IGF2BP2: variants seen among roughly 807,000 people sequenced by gnomAD.
IGF2BP2 encodes insulin like growth factor 2 mRNA binding protein 2, also known as insulin-like growth factor 2 mRNA-binding protein 2.
IGF2BP2 carries 17 observed loss-of-function variants against 75.8 expected under a neutral mutation model. That is an observed-to-expected ratio of 0.22 (90% CI 0.15 to 0.34). The LOEUF is 0.34. Ranked by LOEUF, IGF2BP2 falls within the 10% of genes least tolerant of loss-of-function variation. The pLI is 1.00. For synonymous variants in IGF2BP2, 288 were observed against 295.6 expected (o/e 0.97, Z 0.26); for missense variants, 516 against 772.4 (o/e 0.67, Z 3.93).
chr3:185,717,251 C>G, intron 2 of IGF2BP2: 1 of 171,396 alleles, frequency 5.8e-6, no homozygotes, highest in East Asian at 1.6e-4. Flanking sequence ...GGCACATGGC[C>G]ACCACCCAGA....
At chr3:185,773,789 C>A (rs1305970976) in intron 2 of IGF2BP2, among the ~76,000 whole-genome samples, 1 of 152,166 alleles carries the variant, frequency 6.6e-6, no homozygotes, top group Non-Finnish European at 1.5e-5. Context: ...TAAATTCTCA[C>A]AATTTTCTTT....
intron 5 of IGF2BP2, 29 bp from the exon 6 acceptor site, chr3:185,689,656 G>A (rs1464635440): frequency 6.2e-6 from 10 of 1,613,634 alleles, no homozygotes; most frequent in East Asian, 2.2e-5. Flanking sequence ...GGGGAGCTTC[G>A]TCAGAAACCA....
intron 2 of IGF2BP2, among the ~76,000 whole-genome samples, chr3:185,766,232 TATC>T (rs1733036564): frequency 6.6e-6 from 1 of 152,140 alleles, no homozygotes; most frequent in Admixed American, 6.6e-5. Context: ...ATTTAGACAA[TATC>T]ATCAAAGCCC....
intron 2 of IGF2BP2, chr3:185,713,527 A>G: frequency 1.9e-6 from 1 of 518,788 alleles, no homozygotes; most frequent in Non-Finnish European, 3.9e-6. Context: ...GTTTGAGGGG[A>G]GTGGGGAGTG....
intron 2 of IGF2BP2, among the ~76,000 whole-genome samples, chr3:185,804,764 C>A (rs763043234): frequency 6.6e-6 from 1 of 151,636 alleles, no homozygotes; most frequent in South Asian, 2.1e-4. Context: ...CGGAGGTGGG[C>A]GGATCATGAG....
At chr3:185,730,419 C>T (rs546149568) in intron 2 of IGF2BP2, among the ~76,000 whole-genome samples, 30 of 147,884 alleles carry the variant, frequency 2.0e-4, no homozygotes, top group Admixed American at 6.7e-4. Flanking sequence ...AACATACAAG[C>T]GCAGGTGTCT....
chr3:185,775,089 G>C (rs1734380429), intron 2 of IGF2BP2, among the ~76,000 whole-genome samples: 1 of 151,794 alleles, frequency 6.6e-6, no homozygotes, highest in African/African-American at 2.4e-5. Flanking sequence ...ATGAACTCTA[G>C]CAAGTTACTT....
chr3:185,678,506 G>C (rs937421101), intron 7 of IGF2BP2, among the ~76,000 whole-genome samples: 4 of 152,188 alleles, frequency 2.6e-5, no homozygotes, highest in Non-Finnish European at 4.4e-5. Flanking sequence ...GATCAGAAAA[G>C]ATACTTTGTA....
intron 10 of IGF2BP2, among the ~76,000 whole-genome samples, chr3:185,670,789 T>C (rs1022875503): frequency 4.6e-5 from 7 of 151,982 alleles, no homozygotes; most frequent in Non-Finnish European, 8.8e-5. Flanking sequence ...AGGTCAGTCT[T>C]GAACTCCTGA....
chr3:185,794,664 A>C (rs965715086), intron 2 of IGF2BP2, among the ~76,000 whole-genome samples: 1 of 151,948 alleles, frequency 6.6e-6, no homozygotes, highest in East Asian at 1.9e-4. Flanking sequence ...GATAAAAAAA[A>C]AACCCATAAA....
chr3:185,714,735 C>T (rs2149434644), intron 2 of IGF2BP2, among the ~76,000 whole-genome samples: 1 of 152,268 alleles, frequency 6.6e-6, no homozygotes, highest in South Asian at 2.1e-4. Flanking sequence ...ATTGCTTGAG[C>T]CCAGAAGTTT....
At chr3:185,658,790 C>T (rs985895862) in intron 10 of IGF2BP2, among the ~76,000 whole-genome samples, 2 of 152,278 alleles carry the variant, frequency 1.3e-5, no homozygotes, top group East Asian at 3.9e-4. Context: ...CAGTGCCTTC[C>T]GTTTTCTGGA....
intron 2 of IGF2BP2, among the ~76,000 whole-genome samples, chr3:185,739,844 T>TC (rs1186022411): frequency 9.2e-5 from 5 of 54,226 alleles, no homozygotes; most frequent in Admixed American, 2.0e-4. Flanking sequence ...TTTTTTTCCC[T>TC]CCCCCCCACC....
chr3:185,698,460 A>G (rs1722862960), intron 2 of IGF2BP2, 113 bp from the exon 3 acceptor site: 2 of 926,476 alleles, frequency 2.2e-6, no homozygotes, highest in Non-Finnish European at 3.4e-6. Context: ...TGTGTTCACC[A>G]TGGCATCAAC....
At chr3:185,752,565 G>A (rs990794741) in intron 2 of IGF2BP2, among the ~76,000 whole-genome samples, 1 of 151,926 alleles carries the variant, frequency 6.6e-6, no homozygotes, top group Admixed American at 6.6e-5. Context: ...ATTCCCCAGG[G>A]CCTAAAGGTA....
intron 12 of IGF2BP2, among the ~76,000 whole-genome samples, chr3:185,654,844 G>C (rs1264214154): frequency 6.6e-6 from 1 of 152,166 alleles, no homozygotes; most frequent in Non-Finnish European, 1.5e-5. Flanking sequence ...GGCAGGTGAC[G>C]GGAGCTCAGC....
chr3:185,708,947 T>C (rs1724427311), intron 2 of IGF2BP2, among the ~76,000 whole-genome samples: 1 of 152,212 alleles, frequency 6.6e-6, no homozygotes, highest in Non-Finnish European at 1.5e-5. Flanking sequence ...TTTTCCTTAA[T>C]GTTTTAATTC....
At position 185,652,025 on chromosome 3, in the gene IGF2BP2, TG is replaced by T. The variant is rs1474741544; in HGVS notation, c.1461+68del. ...AGGCTGGGCCTCCAAAGAAGAGCCTTGAATGTGCCTCTGAGGTGGCTGCTCT... is the reference window on the plus strand; with the variant it reads ...AGGCTGGGCCTCCAAAGAAGAGCCTTAATGTGCCTCTGAGGTGGCTGCTCT... On this transcript the variant is annotated intron_variant, in intron 13 of 15. Coordinates refer to ENST00000382199, the MANE Select transcript of IGF2BP2 (RefSeq NM_006548.6). 9.5e-6 allele frequency: 12 copies of T among 1,263,704 alleles called. No individual in the cohort carries two copies. The East Asian group carries it at 2.7e-4, about 28-fold the overall frequency. The allele number at this position is 1,263,704 out of a possible 1,614,324, so 78.3% of individuals were successfully genotyped here.
intron 2 of IGF2BP2, among the ~76,000 whole-genome samples, chr3:185,821,816 A>T (rs149885258): frequency 6.6e-6 from 1 of 152,324 alleles, no homozygotes; most frequent in East Asian, 1.9e-4. Flanking sequence ...TGTTGTAAAT[A>T]GTTAATATAT....
Sources: allele counts gnomAD v4.1 joint callset (sites outside exome capture counted in the v4.1 genomes callset), GRCh38; gene constraint gnomAD v4.1.1; transcripts MANE v1.5; gene names NCBI Gene and HGNC (gene_info 2026-07-23, HGNC 2026-07-21).